TYRP1: variants seen among roughly 807,000 people sequenced by gnomAD.
The protein encoded by TYRP1 is tyrosinase related protein 1.
Under a neutral mutation model 42.8 loss-of-function variants are expected in TYRP1, and 49 were observed. That is an observed-to-expected ratio of 1.14 (90% CI 0.91 to 1.45). The LOEUF is 1.45. Among genes scored for constraint, TYRP1 ranks in the 40% most tolerant of loss-of-function variants. TYRP1 has a pLI of 0.00. For synonymous variants in TYRP1, 279 were observed against 235.4 expected, an observed-to-expected ratio of 1.19 and a Z score of -1.69; for missense variants, 848 against 662.0, an observed-to-expected ratio of 1.28 and a Z score of -3.08.
In TYRP1 at chr9:12,706,423, C is replaced by A. The variant is rs138233831; in HGVS notation, c.1262-1574C>A. Among the ~76,000 whole-genome samples the A allele has an allele frequency of 9.9e-4, 150 of 152,106 alleles. 3 individuals are homozygous for A. The highest frequency in any genetic ancestry group is 1.2e-3 in the Non-Finnish European group (79 of 67,946). On this transcript the variant is annotated intron_variant, in intron 6 of 7. Coordinates refer to ENST00000388918, the MANE Select transcript of TYRP1 (RefSeq NM_000550.3). ...CATTGATAGCAAGTTGTTAAAGGTT[C>A]TCCAGATTTTAACTTAAAGGTCATT...
chr9:12,704,773 T>C lies in TYRP1; in HGVS notation c.1261+68T>C, dbSNP rs542251944. 4.6e-5 allele frequency: 69 copies of C among 1,492,818 alleles called. No homozygotes were observed. In the East Asian group the frequency reaches 1.5e-3, roughly 32 times the overall value. The allele number at this position is 1,492,818 out of a possible 1,614,324, so 92.5% of individuals were successfully genotyped here. On this transcript the variant is annotated intron_variant, in intron 6 of 7. Coordinates refer to ENST00000388918, the MANE Select transcript of TYRP1 (RefSeq NM_000550.3). ...ATTGTTTAGATGGCATAGTTATCAG[T>C]TCAAGCTGAGCACTCAGCGCATAAA...
intron 4 of TYRP1, 90 bp from the exon 5 acceptor site, chr9:12,702,174 TATATTTC>T (rs1406950530): frequency 1.5e-6 from 2 of 1,313,060 alleles, no homozygotes; most frequent in African/African-American, 3.0e-5. Flanking sequence ...AAGGAAAACC[TATATTTC>T]ATATTCATGC....
rs1379924813 is a variant in TYRP1, at chr9:12,699,563, C to T, written c.913+908C>T. On this transcript the variant is annotated intron_variant, in intron 4 of 7. Transcript: ENST00000388918. Reference sequence around the variant, plus strand: ...ATTTTATGAACTTAAATAAGAAATACTCTAAATAAATCAGCAGGAATTAGA... The same window carrying T: ...ATTTTATGAACTTAAATAAGAAATATTCTAAATAAATCAGCAGGAATTAGA... 4.6e-5 allele frequency among the ~76,000 whole-genome samples: 7 copies of T among 152,008 alleles called. No individual in the cohort carries two copies. The South Asian group carries it at 1.5e-3, about 32-fold the overall frequency.
chr9:12,705,352 T>C (rs1322439767), intron 6 of TYRP1, among the ~76,000 whole-genome samples: 2 of 152,068 alleles, frequency 1.3e-5, no homozygotes, highest in Non-Finnish European at 2.9e-5. Context: ...TTTTCATAGG[T>C]TGAAAGCATT....
chr9:12,702,504 C>G, intron 5 of TYRP1, 66 bp downstream of exon 5: 1 of 1,528,192 alleles, frequency 6.5e-7, no homozygotes, highest in Non-Finnish European at 9.0e-7. Flanking sequence ...TATTCAAAAG[C>G]AAGTTTCTTT....
At position 12,697,976 on chromosome 9, in the gene TYRP1, A is replaced by G. The variant is rs143631989; in HGVS notation, c.709-475A>G. Among the ~76,000 whole-genome samples, 1,065 of 152,270 alleles carry G rather than the reference A, an allele frequency of 7.0e-3. 3 individuals carry two copies. Among genetic ancestry groups the G allele is most frequent in the Non-Finnish European group, 0.011 (763 of 68,010 alleles). ...ATGCCTAGTCATTCAAATTAAATTTAAAAACAGAAGCAAAACAAAAATTAG... is the reference window on the plus strand; with the variant it reads ...ATGCCTAGTCATTCAAATTAAATTTGAAAACAGAAGCAAAACAAAAATTAG... On this transcript the variant is annotated intron_variant, in intron 3 of 7. Transcript: ENST00000388918.
intron 3 of TYRP1, among the ~76,000 whole-genome samples, chr9:12,696,081 G>C (rs1434048517): frequency 6.6e-6 from 1 of 152,168 alleles, no homozygotes; most frequent in Non-Finnish European, 1.5e-5. Context: ...TTGCAGGAAT[G>C]AATTAAAAGT....
rs1015536425 is a variant in TYRP1, at chr9:12,693,436, A to T, written c.-128A>T. 6.4e-6 allele frequency: 1 copy of T among 156,230 alleles called. No individual in the cohort carries two copies. Among genetic ancestry groups the T allele is most frequent in the Non-Finnish European group, 1.4e-5 (1 of 70,500 alleles). The allele number at this position is 156,230 out of a possible 1,614,324, so 9.7% of individuals were successfully genotyped here. ...AACACAAGCAAATATAAAACATTCA[A>T]TTCTAAGAGAAGTTCATCAGAGACA... On this transcript the variant is annotated 5_prime_UTR_variant, in exon 1 of 8. Coordinates refer to ENST00000388918, the MANE Select transcript of TYRP1 (RefSeq NM_000550.3).
At chr9:12,701,693 C>T (rs910797559) in intron 4 of TYRP1, 1 of 153,318 alleles carries the variant, frequency 6.5e-6, no homozygotes, top group Admixed American at 6.5e-5. Flanking sequence ...TATTATCTAT[C>T]CCTAGTATCA....
intron 4 of TYRP1, 27 bp downstream of exon 4, chr9:12,698,682 C>G: frequency 6.3e-7 from 1 of 1,599,670 alleles, no homozygotes; most frequent in Non-Finnish European, 8.6e-7. Context: ...AGCTTGGAGT[C>G]AGAATTTCTT....
In TYRP1 at chr9:12,702,292, GGA is replaced by G; in HGVS notation, c.938_939del (p.Arg313LysfsTer16). 1 of 1,613,084 alleles carries G rather than the reference GGA, an allele frequency of 6.2e-7. No homozygotes were observed. The highest frequency in any genetic ancestry group is 1.1e-5 in the South Asian group (1 of 91,056). On this transcript the variant is annotated frameshift_variant, in exon 5 of 8. Transcript: ENST00000388918. LOFTEE classifies it high-confidence loss of function. ...GCAGGCACCGAGGATGGGCCAATTA[GGA>G]GAAATCCAGCTGGAAATGTGGCCAG...
At position 12,698,152 on chromosome 9, in the gene TYRP1, A is replaced by T. The variant is rs1818106535; in HGVS notation, c.709-299A>T. Among the ~76,000 whole-genome samples, 3 of 152,124 alleles carry T rather than the reference A, an allele frequency of 2.0e-5. No homozygotes were observed. In the South Asian group the frequency reaches 6.2e-4, roughly 32 times the overall value. On this transcript the variant is annotated intron_variant, in intron 3 of 7. Transcript: ENST00000388918. Reference sequence around the variant, plus strand: ...TTTTTGTATAACCAATATAAATGTAATTATCTGCCTAAAAAAGAAAAAGAA... The same window carrying T: ...TTTTTGTATAACCAATATAAATGTATTTATCTGCCTAAAAAAGAAAAAGAA...
chr9:12,707,829 T>C (rs1361517365), intron 6 of TYRP1, 168 bp from the exon 7 acceptor site: 1 of 639,540 alleles, frequency 1.6e-6, no homozygotes, highest in African/African-American at 1.8e-5. Context: ...TTCTGTTTTA[T>C]GTAATTTCTC....
At chr9:12,699,024 A>G (rs1818123912) in intron 4 of TYRP1, among the ~76,000 whole-genome samples, 1 of 152,136 alleles carries the variant, frequency 6.6e-6, no homozygotes, top group Non-Finnish European at 1.5e-5. Flanking sequence ...TCCTAAGAAA[A>G]TGTGAAAAAT....
At chr9:12,708,890 T>C (rs559337717) in intron 7 of TYRP1, 87 bp from the exon 8 acceptor site, 113 of 1,220,682 alleles carry the variant, frequency 9.3e-5, no homozygotes, top group African/African-American at 3.6e-4. Context: ...TCTGTTAAAA[T>C]AGACATTTCT....
In TYRP1 at chr9:12,704,698, C is replaced by T. The variant is rs1302567508; in HGVS notation, c.1254C>T (p.Tyr418=). The change falls in exon 6 of 8, where the codon TAC becomes TAT. Residue 418 remains tyrosine, a synonymous_variant. Transcript: ENST00000388918. ...DAVFDEWLRR[Y]NADISTFPLE... Reference sequence around the variant, plus strand: ...TCTTTGATGAATGGCTGAGGAGATACAATGCTGGTAAGACATTTTCATATG... The same window carrying T: ...TCTTTGATGAATGGCTGAGGAGATATAATGCTGGTAAGACATTTTCATATG... The T allele has an allele frequency of 1.2e-6, 2 of 1,612,770 alleles. No individual in the cohort carries two copies. Among genetic ancestry groups the T allele is most frequent in the Non-Finnish European group, 8.5e-7 (1 of 1,179,246 alleles).
At chr9:12,706,161 T>G (rs1055870852) in intron 6 of TYRP1, among the ~76,000 whole-genome samples, 6 of 152,032 alleles carry the variant, frequency 3.9e-5, no homozygotes, top group Non-Finnish European at 7.4e-5. Context: ...TTAATAGGTT[T>G]AGGAATTAAC....
chr9:12,709,398 A>ATGAC lies in TYRP1; in HGVS notation c.*217_*220dup, dbSNP rs1818319658. ...TTTTCAGTTCTATTTAAAATGGTGA[A>ATGAC]TGACACTAAACTCCATGATATTTAA... On this transcript the variant is annotated 3_prime_UTR_variant, in exon 8 of 8. Coordinates refer to ENST00000388918, the MANE Select transcript of TYRP1 (RefSeq NM_000550.3). 3.5e-6 allele frequency: 2 copies of ATGAC among 564,504 alleles called. No individual in the cohort carries two copies. Among genetic ancestry groups the ATGAC allele is most frequent in the African/African-American group, 1.9e-5 (1 of 53,050 alleles). The allele number at this position is 564,504 out of a possible 1,614,324, so 35.0% of individuals were successfully genotyped here. A position where few individuals can be genotyped will look rare whatever the true frequency, so the allele number is the denominator to read the frequency against.
At chr9:12,702,167 G>GC in intron 4 of TYRP1, 104 bp from the exon 5 acceptor site, 1 of 1,255,570 alleles carries the variant, frequency 8.0e-7, no homozygotes, top group Non-Finnish European at 1.1e-6. Flanking sequence ...TTCTACCAAG[G>GC]AAAACCTATA....
Sources: allele counts gnomAD v4.1 joint callset (sites outside exome capture counted in the v4.1 genomes callset), GRCh38; gene constraint gnomAD v4.1.1; transcripts MANE v1.5; gene names NCBI Gene and HGNC (gene_info 2026-07-23, HGNC 2026-07-21).